The following DSE variants were observed in gnomAD, a reference collection of about 807,000 sequenced individuals.
DSE encodes the protein dermatan sulfate epimerase.
DSE carries 36 observed loss-of-function variants against 84.4 expected under a neutral mutation model. That is an observed-to-expected ratio of 0.43 (90% CI 0.33 to 0.56). The LOEUF (loss-of-function observed/expected upper bound fraction) is 0.56, where lower values mean the gene tolerates loss of function less well. Among genes scored for constraint, DSE ranks in the 20% least tolerant of loss-of-function variants. The probability of loss-of-function intolerance (pLI) is 0.06; values close to 1 mark genes in which losing one functional copy is unlikely to be tolerated. For synonymous variants in DSE, 410 were observed against 430.1 expected, an observed-to-expected ratio of 0.95 and a Z score of 0.58; for missense variants, 862 against 1,169.6, an observed-to-expected ratio of 0.74 and a Z score of 3.84.
chr6:116,435,524 C>T (rs1453987540), intron 5 of DSE, 63 bp from the exon 6 acceptor site: 6 of 1,485,056 alleles, frequency 4.0e-6, no homozygotes, highest in Non-Finnish European at 5.4e-6. Context: ...TTCCACATTA[C>T]CATGTTATGT....
At chr6:116,358,589 G>A (rs1778706965) in intron 2 of DSE, among the ~76,000 whole-genome samples, 2 of 152,132 alleles carry the variant, frequency 1.3e-5, no homozygotes, top group African/African-American at 4.8e-5. Flanking sequence ...GGGAACCTCA[G>A]GTGCCTTACA....
upstream of DSE, among the ~76,000 whole-genome samples, chr6:116,367,861 A>G (rs1779251569): frequency 6.6e-6 from 1 of 152,186 alleles, no homozygotes; most frequent in African/African-American, 2.4e-5. Context: ...GCAGAGGGAG[A>G]TGAACACTAA....
chr6:116,296,533 T>C (rs1774677203), intron 2 of DSE, among the ~76,000 whole-genome samples: 1 of 152,174 alleles, frequency 6.6e-6, no homozygotes, highest in African/African-American at 2.4e-5. Context: ...AAAGTGTGAC[T>C]GGGGCTAAGG....
chr6:116,293,986 ATAGT>A (rs1254327861), intron 2 of DSE, among the ~76,000 whole-genome samples: 1 of 152,140 alleles, frequency 6.6e-6, no homozygotes, highest in African/African-American at 2.4e-5. Context: ...TAACTAGCTA[ATAGT>A]TAATAAATAT....
intron 2 of DSE, among the ~76,000 whole-genome samples, chr6:116,262,158 T>G (rs564279091): frequency 9.8e-4 from 150 of 152,336 alleles, no homozygotes; most frequent in African/African-American, 3.5e-3. Flanking sequence ...TTGGAATAAT[T>G]TCAGTAGGGA....
At chr6:116,424,249 C>A (rs1477173125) in intron 2 of DSE, among the ~76,000 whole-genome samples, 1 of 152,170 alleles carries the variant, frequency 6.6e-6, no homozygotes, top group African/African-American at 2.4e-5. Context: ...AATGAGTGTG[C>A]AGTATGAATT....
chr6:116,393,768 T>C (rs1781058745), intron 1 of DSE, among the ~76,000 whole-genome samples: 1 of 152,254 alleles, frequency 6.6e-6, no homozygotes, highest in Non-Finnish European at 1.5e-5. Context: ...TAATCCATCT[T>C]AGTTTGGGGC....
intron 2 of DSE, chr6:116,278,267 G>C: frequency 4.0e-6 from 2 of 505,792 alleles, no homozygotes; most frequent in East Asian, 7.5e-5. Flanking sequence ...TGGCTTACAA[G>C]TAGTGTGAAG....
In DSE at chr6:116,361,761, C is replaced by A. The variant is rs376978968; in HGVS notation, c.-53-37437C>A. ...AAACACATTAACCATCAAATAAATC[C>A]TTGATTTTTACTGAAAAATAAAGAA... On this transcript the variant is annotated intron_variant, in intron 2 of 3. Coordinates refer to the DSE transcript ENST00000430252. 3.3e-5 allele frequency among the ~76,000 whole-genome samples: 5 copies of A among 152,100 alleles called. No homozygotes were observed. The East Asian group carries it at 5.8e-4, about 18-fold the overall frequency.
chr6:116,354,680 C>G (rs2640856), intron 2 of DSE, among the ~76,000 whole-genome samples: 3,403 of 152,156 alleles, frequency 0.022, 139 homozygotes, highest in African/African-American at 0.078. Flanking sequence ...AATCCATGTT[C>G]ATAATTATGT....
upstream of DSE, among the ~76,000 whole-genome samples, chr6:116,367,565 CATTTT>C (rs1245406498): frequency 6.6e-6 from 1 of 152,166 alleles, no homozygotes; most frequent in Admixed American, 6.5e-5. Context: ...CAAAAAATAA[CATTTT>C]GTTTTGTTCA....
rs943879427 is a variant in DSE, at chr6:116,370,975, C to T, written c.-200C>T. On this transcript the variant is annotated 5_prime_UTR_variant, in exon 1 of 6. Coordinates refer to ENST00000644252, the MANE Select transcript of DSE (RefSeq NM_013352.4). Reference sequence around the variant, plus strand: ...AGCGTCGCCCGAGGCTGCAGCAGCGCATCCCGGGGCATGGCGCGGCGGGGG... The same window carrying T: ...AGCGTCGCCCGAGGCTGCAGCAGCGTATCCCGGGGCATGGCGCGGCGGGGG... The T allele has an allele frequency of 1.4e-5, 14 of 985,158 alleles. No homozygotes were observed. The highest frequency in any genetic ancestry group is 4.7e-5 in the South Asian group (1 of 21,292). 61.0% of individuals were successfully genotyped at this position (985,158 alleles called of 1,614,324 possible).
At chr6:116,265,460 G>A (rs1395059124) in intron 2 of DSE, among the ~76,000 whole-genome samples, 2 of 152,088 alleles carry the variant, frequency 1.3e-5, no homozygotes, top group Non-Finnish European at 2.9e-5. Flanking sequence ...CATGCTGGTG[G>A]GGCAGTGAAA....
At position 116,426,673 on chromosome 6, in the gene DSE, A is replaced by G. The variant is rs200780195; in HGVS notation, c.516A>G (p.Thr172=). 1.2e-4 allele frequency: 193 copies of G among 1,614,046 alleles called. No individual in the cohort carries two copies. The highest frequency in any genetic ancestry group is 1.6e-4 in the Non-Finnish European group (185 of 1,180,014). Residue 172 remains threonine, a synonymous_variant, in exon 3 of 6, where the codon ACA becomes ACG. Transcript: ENST00000644252. ...YDFLYNYLSK[T]QQEKFLEVIA... is the part of the protein sequence containing the mutation. ...TCTTGTACAACTACCTGAGCAAGAC[A>G]CAACAGGAGAAGTTTCTTGAAGTGA...
rs191213599 is a variant in DSE at position 116,333,643 on chromosome 6, G to T, written c.-53-65555G>T. 6.9e-3 allele frequency among the ~76,000 whole-genome samples: 1,045 copies of T among 152,234 alleles called. 22 individuals carry two copies. Among genetic ancestry groups the T allele is most frequent in the South Asian group, 0.056 (269 of 4,820 alleles). On this transcript the variant is annotated intron_variant, in intron 2 of 3. Transcript: ENST00000430252. ...AAAAGTGAGGCTTCAGAAAGAGAAA[G>T]ATTTTTAATAAATCCATGAATCTAC...
intron 2 of DSE, among the ~76,000 whole-genome samples, chr6:116,269,091 G>C (rs2114611454): frequency 6.6e-6 from 1 of 151,644 alleles, no homozygotes; most frequent in Non-Finnish European, 1.5e-5. Flanking sequence ...AGAGACAAAG[G>C]CTCTGACCTG....
intron 2 of DSE, among the ~76,000 whole-genome samples, chr6:116,339,155 C>T (rs1008480615): frequency 3.3e-5 from 5 of 152,150 alleles, no homozygotes; most frequent in Non-Finnish European, 7.4e-5. Context: ...TCATCATATT[C>T]CATGACCATG....
In DSE at chr6:116,435,378, A is replaced by T. The variant is rs528645818; in HGVS notation, c.1119-209A>T. ...TTCGGGCCCAAACCCAAGGATCACA[A>T]ATGATAAAGAAATATTCCTCTTCCA... is the stretch of plus-strand genomic sequence containing the variant. On this transcript the variant is annotated intron_variant, in intron 5 of 5. Transcript: ENST00000644252. 2.0e-5 allele frequency among the ~76,000 whole-genome samples: 3 copies of T among 152,242 alleles called. No homozygotes were observed. The South Asian group carries it at 6.2e-4, about 32-fold the overall frequency.
rs1056059201 is a variant in DSE, at chr6:116,329,909, C to T, written c.-53-69289C>T. Among the ~76,000 whole-genome samples the T allele has an allele frequency of 9.2e-5, 14 of 152,322 alleles. No homozygotes were observed. The East Asian group carries it at 1.2e-3, about 13-fold the overall frequency. ...CGCGATCTCAGCTCAATGCAACCTC[C>T]GCCTTCCGGATTCAAGTGATTGTCC... On this transcript the variant is annotated intron_variant, in intron 2 of 3. Transcript: ENST00000430252.
Sources: gnomAD v4.1 joint callset for allele counts (sites outside exome capture counted in the v4.1 genomes callset) on GRCh38, gnomAD v4.1.1 for gene constraint, MANE v1.5 for transcripts, NCBI Gene and HGNC (gene_info 2026-07-23, HGNC 2026-07-21) for gene names.